AGBL4: variants seen among roughly 807,000 people sequenced by gnomAD.
AGBL4 encodes cytosolic carboxypeptidase 6.
A neutral mutation model predicts 66.4 loss-of-function variants in AGBL4; 58 were observed. The ratio of observed to expected loss-of-function variants is 0.87; its 90% CI spans 0.71 to 1.09. The LOEUF is 1.09. Ranked by LOEUF, AGBL4 falls within the 50% of genes least tolerant of loss-of-function variation. The pLI is 0.00. For missense variants in AGBL4, 579 were observed against 631.0 expected, an observed-to-expected ratio of 0.92 and a Z score of 0.88; for synonymous variants, 234 against 222.9, an observed-to-expected ratio of 1.05 and a Z score of -0.44.
chr1:48,617,406 C>T (rs1645337242), intron 9 of AGBL4, among the ~76,000 whole-genome samples: 1 of 152,150 alleles, frequency 6.6e-6, no homozygotes. Context: ...CCTTTTCCTG[C>T]CCACAAACCT....
At chr1:49,066,145 C>G (rs981498407) in intron 4 of AGBL4, among the ~76,000 whole-genome samples, 1 of 152,148 alleles carries the variant, frequency 6.6e-6, no homozygotes, top group Non-Finnish European at 1.5e-5. Flanking sequence ...GGAAGATTCA[C>G]GTGAGAGCAT....
At chr1:49,884,939 T>C (rs539053254) in intron 1 of AGBL4, among the ~76,000 whole-genome samples, 1 of 152,008 alleles carries the variant, frequency 6.6e-6, no homozygotes, top group South Asian at 2.1e-4. Context: ...TGCTGAAACA[T>C]CTAGAAATAG....
In AGBL4 at chr1:49,000,714, A is replaced by G. The variant is rs1394166502; in HGVS notation, c.594+44870T>C. Among the ~76,000 whole-genome samples the G allele has an allele frequency of 1.3e-5, 2 of 152,212 alleles. 1 individual carries two copies. The highest frequency in any genetic ancestry group is 4.8e-5 in the African/African-American group (2 of 41,462). On this transcript the variant is annotated intron_variant, in intron 5 of 13. Transcript: ENST00000371839. ...AGACTACTGGACTAGCTGCTCTTTA[A>G]AGACAACTCTAGAGTACCTGAAGTG... is the stretch of plus-strand genomic sequence containing the variant.
chr1:49,794,756 A>G (rs932186982), intron 2 of AGBL4, among the ~76,000 whole-genome samples: 17 of 152,016 alleles, frequency 1.1e-4, no homozygotes, highest in Non-Finnish European at 2.1e-4. Flanking sequence ...ATAGGAATTC[A>G]TTAAATAATT....
chr1:48,996,026 G>C (rs956058057), intron 5 of AGBL4, among the ~76,000 whole-genome samples: 1 of 152,072 alleles, frequency 6.6e-6, no homozygotes, highest in Non-Finnish European at 1.5e-5. Context: ...AAAGTGAGTG[G>C]GTTGGGGACA....
Position 49,793,101 on chromosome 1 carries a change from A to C in AGBL4, c.157+58295T>G, listed in dbSNP as rs368199248. On this transcript the variant is annotated intron_variant, in intron 2 of 13. Transcript: ENST00000371839. ...CTATCCTCTTATTTTTATTCAAAGC[A>C]CTCTTCATCACCTGATATTTAAATA... is the stretch of plus-strand genomic sequence containing the variant. Among the ~76,000 whole-genome samples the C allele has an allele frequency of 3.4e-4, 52 of 152,098 alleles. 1 individual carries two copies. In the South Asian group the frequency reaches 9.5e-3, roughly 28 times the overall value.
intron 1 of AGBL4, among the ~76,000 whole-genome samples, chr1:49,964,856 C>T (rs2148350199): frequency 6.6e-6 from 1 of 152,214 alleles, no homozygotes; most frequent in African/African-American, 2.4e-5. Flanking sequence ...TGATCTCTCC[C>T]ACACATTGAT....
intron 1 of AGBL4, among the ~76,000 whole-genome samples, chr1:49,981,625 A>AT (rs1426124984): frequency 6.6e-6 from 1 of 152,174 alleles, no homozygotes; most frequent in African/African-American, 2.4e-5. Context: ...CATTCAAATC[A>AT]TAGCTCCACC....
At chr1:49,969,268 C>T (rs1361430883) in intron 1 of AGBL4, among the ~76,000 whole-genome samples, 1 of 152,140 alleles carries the variant, frequency 6.6e-6, no homozygotes. Context: ...GGTAAGAACA[C>T]ATTCATGAAA....
chr1:49,382,519 A>G (rs1035180698), intron 3 of AGBL4, among the ~76,000 whole-genome samples: 1 of 152,166 alleles, frequency 6.6e-6, no homozygotes, highest in South Asian at 2.1e-4. Context: ...TTACCTCAAC[A>G]TAAAGGTCAT....
intron 6 of AGBL4, among the ~76,000 whole-genome samples, chr1:48,779,973 C>A (rs1041409380): frequency 2.6e-5 from 4 of 151,974 alleles, no homozygotes; most frequent in Non-Finnish European, 5.9e-5. Context: ...CTCGGCCTCC[C>A]AATGTGCTGG....
At chr1:49,759,783 C>T (rs996227676) in intron 2 of AGBL4, among the ~76,000 whole-genome samples, 2 of 152,064 alleles carry the variant, frequency 1.3e-5, no homozygotes, top group Non-Finnish European at 2.9e-5. Flanking sequence ...GCCATAAACA[C>T]AAAGTGAGAT....
chr1:49,623,091 C>T (rs537152107), intron 3 of AGBL4, among the ~76,000 whole-genome samples: 1 of 152,272 alleles, frequency 6.6e-6, no homozygotes, highest in Non-Finnish European at 1.5e-5. Context: ...AGTTTAAGTG[C>T]AGAGACCATA....
rs544842313 is a variant in AGBL4, at chr1:49,448,306, C to G, written c.283-202442G>C. 3.3e-5 allele frequency among the ~76,000 whole-genome samples: 5 copies of G among 152,242 alleles called. No individual in the cohort carries two copies. In the East Asian group the frequency reaches 7.7e-4, roughly 23 times the overall value. On this transcript the variant is annotated intron_variant, in intron 3 of 13. Coordinates refer to ENST00000371839, the MANE Select transcript of AGBL4 (RefSeq NM_032785.4). ...ATGCCCTAAAAACTCTCTCTCTCCCCACTTGATTTCAGATTCTGTGTTTAT... is the reference window on the plus strand; with the variant it reads ...ATGCCCTAAAAACTCTCTCTCTCCCGACTTGATTTCAGATTCTGTGTTTAT...
chr1:49,292,322 G>A (rs1296111768), intron 3 of AGBL4, among the ~76,000 whole-genome samples: 3 of 152,206 alleles, frequency 2.0e-5, no homozygotes, highest in Non-Finnish European at 4.4e-5. Flanking sequence ...ACAGCAGCAG[G>A]AGGCAGACAG....
intron 1 of AGBL4, among the ~76,000 whole-genome samples, chr1:49,890,725 A>G (rs952794854): frequency 5.3e-5 from 8 of 152,170 alleles, no homozygotes; most frequent in Non-Finnish European, 1.0e-4. Flanking sequence ...TCTTTCAAAC[A>G]TAATCCTCCA....
At chr1:49,172,215 C>T (rs1441695754) in intron 4 of AGBL4, among the ~76,000 whole-genome samples, 2 of 152,194 alleles carry the variant, frequency 1.3e-5, no homozygotes, top group Non-Finnish European at 2.9e-5. Context: ...CAGTTATCTT[C>T]TAGGAGCCAC....
intron 8 of AGBL4, among the ~76,000 whole-genome samples, chr1:48,648,587 G>A (rs1645876806): frequency 6.6e-6 from 1 of 152,328 alleles, no homozygotes; most frequent in South Asian, 2.1e-4. Flanking sequence ...ATAGAGCAAA[G>A]GCAATGTGCG....
At chr1:48,661,964 T>A (rs1264202660) in intron 7 of AGBL4, among the ~76,000 whole-genome samples, 1 of 151,854 alleles carries the variant, frequency 6.6e-6, no homozygotes, top group Non-Finnish European at 1.5e-5. Context: ...TGCTAAGGAG[T>A]CAGCTATAGT....
Sources: gnomAD v4.1 joint callset for allele counts (sites outside exome capture counted in the v4.1 genomes callset) on GRCh38, gnomAD v4.1.1 for gene constraint, MANE v1.5 for transcripts, NCBI Gene and HGNC (gene_info 2026-07-23, HGNC 2026-07-21) for gene names.